The following CA10 variants were observed in gnomAD, a reference collection of about 807,000 sequenced individuals.
The protein encoded by CA10 is carbonic anhydrase 10 (inactive).
In CA10, 14 loss-of-function variants were observed where a neutral mutation model predicts 44.2. The ratio of observed to expected loss-of-function variants is 0.32; its 90% CI spans 0.21 to 0.50. CA10 has a LOEUF of 0.50. Among genes scored for constraint, CA10 ranks in the 20% least tolerant of loss-of-function variants. The probability of loss-of-function intolerance (pLI) is 0.99; values close to 1 mark genes in which losing one functional copy is unlikely to be tolerated. For synonymous variants in CA10, 159 were observed against 141.6 expected, an observed-to-expected ratio of 1.12 and a Z score of -0.87; for missense variants, 350 against 409.7, an observed-to-expected ratio of 0.85 and a Z score of 1.26.
intron 3 of CA10, among the ~76,000 whole-genome samples, chr17:51,875,305 C>A (rs1980020040): frequency 6.6e-6 from 1 of 152,072 alleles, no homozygotes; most frequent in Non-Finnish European, 1.5e-5. Context: ...GGCACTGTGC[C>A]CAGCCTAGAA....
intron 3 of CA10, among the ~76,000 whole-genome samples, chr17:51,800,747 G>A (rs1194783404): frequency 1.3e-5 from 2 of 152,170 alleles, no homozygotes; most frequent in African/African-American, 4.8e-5. Context: ...TAGAATCAAT[G>A]AATTATGGCA....
chr17:51,991,884 C>T (rs761703967), intron 2 of CA10, among the ~76,000 whole-genome samples: 3 of 152,054 alleles, frequency 2.0e-5, no homozygotes, highest in Non-Finnish European at 2.9e-5. Flanking sequence ...ATAACCACCC[C>T]TCCTCTGCCC....
In CA10 at chr17:51,633,646, T is replaced by G; in HGVS notation, c.794A>C (p.His265Pro). 1 of 1,613,468 alleles carries G rather than the reference T, an allele frequency of 6.2e-7. No homozygotes were observed. Among genetic ancestry groups the G allele is most frequent in the Non-Finnish European group, 8.5e-7 (1 of 1,179,740 alleles). The stretch of plus-strand genomic sequence containing the variant: ...GTTCTGGCTGAGCAGGCGCAAGGAA[T>G]GCATCTGAGGAGAGAGAAGTGGCCG... ...KPVYITRMQM[H>P]SLRLLSQNQP... Residue 265 changes from histidine to proline, a missense_variant, in exon 8 of 9, where the codon CAT (histidine) becomes CCT (proline). His to Pro is a moderately conservative substitution (Grantham distance 77). Transcript: ENST00000451037.
At chr17:51,931,788 C>G (rs553746235) in intron 2 of CA10, among the ~76,000 whole-genome samples, 2 of 152,038 alleles carry the variant, frequency 1.3e-5, no homozygotes, top group Non-Finnish European at 2.9e-5. Flanking sequence ...GCACAAATAC[C>G]CAAAGGAAAC....
At chr17:51,758,273 T>C (rs1401978064) in intron 3 of CA10, among the ~76,000 whole-genome samples, 1 of 152,226 alleles carries the variant, frequency 6.6e-6, no homozygotes, top group Non-Finnish European at 1.5e-5. Context: ...GAATCTGTTT[T>C]TGATAATATT....
chr17:52,057,487 T>C (rs1258051035), intron 2 of CA10, among the ~76,000 whole-genome samples: 1 of 152,174 alleles, frequency 6.6e-6, no homozygotes, highest in Non-Finnish European at 1.5e-5. Flanking sequence ...ATTTAATAAA[T>C]ATATAAAATA....
At chr17:51,832,332 G>A (rs545553448) in intron 3 of CA10, among the ~76,000 whole-genome samples, 2 of 152,302 alleles carry the variant, frequency 1.3e-5, no homozygotes, top group Admixed American at 1.3e-4. Context: ...CTTCTAGGGA[G>A]GGTGACTGAC....
At chr17:51,968,331 A>G (rs2144064022) in intron 2 of CA10, among the ~76,000 whole-genome samples, 1 of 152,024 alleles carries the variant, frequency 6.6e-6, no homozygotes, top group South Asian at 2.1e-4. Flanking sequence ...GAGTGGATAA[A>G]GAAACAGTGG....
intron 1 of CA10, among the ~76,000 whole-genome samples, chr17:52,073,901 G>A (rs1987749828): frequency 6.6e-6 from 1 of 152,186 alleles, no homozygotes; most frequent in Non-Finnish European, 1.5e-5. Flanking sequence ...GGAAAGACAA[G>A]GAGATTTGAA....
At chr17:51,970,067 C>T (rs750985498) in intron 2 of CA10, among the ~76,000 whole-genome samples, 22 of 151,900 alleles carry the variant, frequency 1.4e-4, no homozygotes, top group Non-Finnish European at 3.1e-4. Flanking sequence ...GAACGCACAC[C>T]TCAGGCCAAT....
chr17:52,041,334 C>T (rs1446716389), intron 2 of CA10, among the ~76,000 whole-genome samples: 1 of 152,000 alleles, frequency 6.6e-6, no homozygotes, highest in Non-Finnish European at 1.5e-5. Context: ...AATTAGAAGA[C>T]AGAAACATTG....
chr17:52,099,155 T>G (rs1398680769), intron 1 of CA10, among the ~76,000 whole-genome samples: 1 of 151,126 alleles, frequency 6.6e-6, no homozygotes, highest in Non-Finnish European at 1.5e-5. Flanking sequence ...GTATAGATAA[T>G]AAGAAAAAAA....
intron 3 of CA10, among the ~76,000 whole-genome samples, chr17:51,821,009 C>T (rs990067669): frequency 2.7e-5 from 4 of 148,534 alleles, no homozygotes; most frequent in African/African-American, 1.0e-4. Flanking sequence ...TCCATGCTCC[C>T]TCCCTCCCTT....
rs139483479 is a variant in CA10 at position 52,048,979 on chromosome 17, G to T, written c.136+23340C>A. Reference sequence around the variant, plus strand: ...TGAAGAAAATAAAAACAAGGTAGGGGTTTATCACAATATTCTGAAAGCCTG... The same window carrying T: ...TGAAGAAAATAAAAACAAGGTAGGGTTTTATCACAATATTCTGAAAGCCTG... On this transcript the variant is annotated intron_variant, in intron 2 of 8. Coordinates refer to ENST00000451037, the MANE Select transcript of CA10 (RefSeq NM_020178.5). 7.7e-3 allele frequency among the ~76,000 whole-genome samples: 1,175 copies of T among 152,112 alleles called. 16 individuals carry two copies. Among genetic ancestry groups the T allele is most frequent in the African/African-American group, 0.027 (1,111 of 41,490 alleles).
At chr17:51,642,728 C>T (rs923673880) in intron 6 of CA10, among the ~76,000 whole-genome samples, 4 of 152,030 alleles carry the variant, frequency 2.6e-5, no homozygotes, top group African/African-American at 7.2e-5. Flanking sequence ...CTGTAACCTC[C>T]GCCTCCCAAG....
In CA10 at chr17:51,704,774, C is replaced by T. The variant is rs192167640; in HGVS notation, c.465+42859G>A. Among the ~76,000 whole-genome samples, 7 of 152,122 alleles carry T rather than the reference C, an allele frequency of 4.6e-5. No homozygotes were observed. The East Asian group carries it at 1.4e-3, about 29-fold the overall frequency. ...GGTCAGGAGTTCAAGACCAGCCTGG[C>T]CAACATGGCAAAACCCCATCTCTGC... On this transcript the variant is annotated intron_variant, in intron 4 of 8. Transcript: ENST00000451037.
chr17:52,130,752 C>T (rs1989220577), intron 1 of CA10, among the ~76,000 whole-genome samples: 1 of 151,786 alleles, frequency 6.6e-6, no homozygotes, highest in Non-Finnish European at 1.5e-5. Flanking sequence ...GGCTGGAGTT[C>T]AGTGGCACTA....
At chr17:51,848,329 T>C (rs1431069791) in intron 3 of CA10, among the ~76,000 whole-genome samples, 2 of 152,190 alleles carry the variant, frequency 1.3e-5, no homozygotes, top group Non-Finnish European at 2.9e-5. Context: ...ATTTTGCACC[T>C]GAGGCTTGTG....
intron 4 of CA10, among the ~76,000 whole-genome samples, chr17:51,680,311 A>G (rs1914801433): frequency 1.3e-5 from 2 of 152,200 alleles, no homozygotes; most frequent in African/African-American, 4.8e-5. Context: ...AGGTGGCATG[A>G]CTACAGATCT....
Sources: allele counts gnomAD v4.1 joint callset (sites outside exome capture counted in the v4.1 genomes callset), GRCh38; gene constraint gnomAD v4.1.1; transcripts MANE v1.5; gene names NCBI Gene and HGNC (gene_info 2026-07-23, HGNC 2026-07-21).